Variants in NEO1 observed in about 807,000 individuals in gnomAD.
NEO1 encodes the protein neogenin 1, also known as neogenin.
In NEO1, 63 loss-of-function variants were observed where a neutral mutation model predicts 159.7. The ratio of observed to expected loss-of-function variants is 0.39; its 90% confidence interval spans 0.32 to 0.49. The LOEUF (loss-of-function observed/expected upper bound fraction) is 0.49, where lower values mean the gene tolerates loss of function less well. Ranked by LOEUF, NEO1 falls within the 20% of genes least tolerant of loss-of-function variation. The pLI is 0.85. For synonymous variants in NEO1, 633 were observed against 662.0 expected, an observed-to-expected ratio of 0.96 and a Z score of 0.67; for missense variants, 1,615 against 1,831.0, an observed-to-expected ratio of 0.88 and a Z score of 2.15.
chr15:73,096,155 AG>A (rs1476740318), intron 1 of NEO1, among the ~76,000 whole-genome samples: 4 of 152,208 alleles, frequency 2.6e-5, no homozygotes, highest in African/African-American at 9.6e-5. Flanking sequence ...TCCATTTGCA[AG>A]GAAAAAATTC....
intron 5 of NEO1, among the ~76,000 whole-genome samples, chr15:73,142,866 C>T (rs1431926185): frequency 2.0e-5 from 3 of 152,164 alleles, no homozygotes; most frequent in Admixed American, 6.5e-5. Context: ...CCCCACAACA[C>T]TAAATCCTGT....
intron 1 of NEO1, among the ~76,000 whole-genome samples, chr15:73,114,784 GTT>G (rs1567223795): frequency 6.6e-6 from 1 of 151,988 alleles, no homozygotes; most frequent in African/African-American, 2.4e-5. Context: ...AAGTTTCTGA[GTT>G]AAGTTTGGGG....
intron 7 of NEO1, among the ~76,000 whole-genome samples, chr15:73,186,821 A>G (rs954629662): frequency 2.0e-5 from 3 of 152,164 alleles, no homozygotes; most frequent in Admixed American, 6.5e-5. Flanking sequence ...TAGATAGTAA[A>G]TATTTTAGGC....
chr15:73,080,570 A>G (rs1005506742), intron 1 of NEO1, among the ~76,000 whole-genome samples: 7 of 152,082 alleles, frequency 4.6e-5, no homozygotes, highest in Non-Finnish European at 1.5e-5. Context: ...ATATGCTTCA[A>G]ATTTCACAAA....
intron 1 of NEO1, among the ~76,000 whole-genome samples, chr15:73,094,638 C>T (rs1183563937): frequency 6.6e-6 from 1 of 152,106 alleles, no homozygotes; most frequent in East Asian, 1.9e-4. Flanking sequence ...ATAATTATCC[C>T]CTCTTCACCT....
intron 5 of NEO1, among the ~76,000 whole-genome samples, chr15:73,149,330 G>A (rs1043222135): frequency 6.6e-6 from 1 of 151,516 alleles, no homozygotes; most frequent in Non-Finnish European, 1.5e-5. Context: ...AAAAAAACAG[G>A]GTTTCAGTGA....
chr15:73,260,253 T>TCCACTTTTCCTTC lies in NEO1; in HGVS notation c.2204-14_2204-2dup, dbSNP rs373725489. 7,812 of 1,608,680 alleles carry TCCACTTTTCCTTC rather than the reference T, an allele frequency of 4.9e-3. 88 individuals are homozygous for TCCACTTTTCCTTC. Among genetic ancestry groups the TCCACTTTTCCTTC allele is most frequent in the East Asian group, 0.045 (2,023 of 44,762 alleles). Reference sequence around the variant, plus strand: ...AGGACAGTATATCTCATCTTGCTTTTCCACTTTTCCTTCCCAGAAACTCGT... The same window carrying TCCACTTTTCCTTC: ...AGGACAGTATATCTCATCTTGCTTTTCCACTTTTCCTTCCCACTTTTCCTTCCCAGAAACTCGT... On this transcript the variant is annotated splice_polypyrimidine_tract_variant and intron_variant, in intron 14 of 28. Transcript: ENST00000261908.
At chr15:73,090,788 C>T (rs1307163720) in intron 1 of NEO1, among the ~76,000 whole-genome samples, 1 of 152,168 alleles carries the variant, frequency 6.6e-6, no homozygotes, top group East Asian at 1.9e-4. Context: ...ATAATTCTTA[C>T]ATCGTTATAA....
At chr15:73,090,863 G>A (rs997436910) in intron 1 of NEO1, among the ~76,000 whole-genome samples, 4 of 152,020 alleles carry the variant, frequency 2.6e-5, no homozygotes, top group African/African-American at 9.7e-5. Context: ...TTACAATATA[G>A]TATCTAGCAT....
At chr15:73,215,709 T>A (rs2037838808) in intron 7 of NEO1, among the ~76,000 whole-genome samples, 1 of 152,224 alleles carries the variant, frequency 6.6e-6, no homozygotes, top group Admixed American at 6.5e-5. Context: ...GATTTTAGCA[T>A]CTATGCTAAT....
chr15:73,120,310 A>G (rs897226931), intron 2 of NEO1, among the ~76,000 whole-genome samples: 3 of 151,476 alleles, frequency 2.0e-5, no homozygotes, highest in African/African-American at 7.3e-5. Context: ...TTTTTGGTCA[A>G]ATCTGGGGAG....
At chr15:73,053,957 T>G (rs2067583023) in intron 1 of NEO1, among the ~76,000 whole-genome samples, 1 of 152,236 alleles carries the variant, frequency 6.6e-6, no homozygotes, top group East Asian at 1.9e-4. Context: ...GCAGAGTGTG[T>G]ATGTAGCTCA....
At chr15:73,294,647 C>T (rs1446181641) in intron 26 of NEO1, among the ~76,000 whole-genome samples, 1 of 152,110 alleles carries the variant, frequency 6.6e-6, no homozygotes, top group Non-Finnish European at 1.5e-5. Context: ...TCAAGCGATT[C>T]TCCTGCCTCA....
intron 7 of NEO1, among the ~76,000 whole-genome samples, chr15:73,235,542 G>T (rs981436648): frequency 6.6e-6 from 1 of 152,180 alleles, no homozygotes; most frequent in South Asian, 2.1e-4. Context: ...AGTCCTTGAG[G>T]TCTGCAAGCT....
At chr15:73,288,610 T>A in intron 24 of NEO1, 59 bp downstream of exon 24, 1 of 562,010 alleles carries the variant, frequency 1.8e-6, no homozygotes, top group Non-Finnish European at 2.6e-6. Flanking sequence ...CATTTAAATC[T>A]TTTTTTTTTT....
intron 13 of NEO1, among the ~76,000 whole-genome samples, 158 bp downstream of exon 13, chr15:73,254,987 G>A (rs1196187398): frequency 6.6e-6 from 1 of 152,234 alleles, no homozygotes; most frequent in Non-Finnish European, 1.5e-5. Flanking sequence ...ACTTGATAGA[G>A]ATTAATGGAA....
At chr15:73,099,989 G>A (rs2070308207) in intron 1 of NEO1, among the ~76,000 whole-genome samples, 1 of 152,014 alleles carries the variant, frequency 6.6e-6, no homozygotes, top group Non-Finnish European at 1.5e-5. Flanking sequence ...TTCATTTATT[G>A]AAAACTTCAG....
chr15:73,056,166 A>G (rs944373029), intron 1 of NEO1, among the ~76,000 whole-genome samples: 1 of 152,210 alleles, frequency 6.6e-6, no homozygotes, highest in Non-Finnish European at 1.5e-5. Context: ...TCCCAAACCC[A>G]ATAAAGCCTC....
intron 18 of NEO1, among the ~76,000 whole-genome samples, chr15:73,271,644 C>A (rs923791349): frequency 3.3e-5 from 5 of 152,118 alleles, no homozygotes; most frequent in African/African-American, 4.8e-5. Flanking sequence ...TGGTGGCTTG[C>A]ACCTGTAATC....
Sources: gnomAD v4.1 joint callset for allele counts (sites outside exome capture counted in the v4.1 genomes callset) on GRCh38, gnomAD v4.1.1 for gene constraint, MANE v1.5 for transcripts, NCBI Gene and HGNC (gene_info 2026-07-23, HGNC 2026-07-21) for gene names.